The following ZFTRAF1 variants were observed in gnomAD, a reference collection of about 807,000 sequenced individuals.
ZFTRAF1 encodes the protein zinc finger TRAF-type-containing protein 1.
chr8:144,462,599 G>A, the ZFTRAF1 span: 1 of 139,154 alleles, frequency 7.2e-6, no homozygotes, highest in Non-Finnish European at 1.6e-5. Flanking sequence ...GGCCGGCACG[G>A]AGCCCGCGGG....
At chr8:144,458,855 G>A in the ZFTRAF1 span, among the ~76,000 whole-genome samples, 2 of 152,260 alleles carry the variant, frequency 1.3e-5, no homozygotes, top group Non-Finnish European at 2.9e-5. Context: ...GCAGGGCACT[G>A]TGCAGGGCCG....
the ZFTRAF1 span, among the ~76,000 whole-genome samples, chr8:144,459,603 C>A: frequency 1.3e-5 from 2 of 152,214 alleles, no homozygotes; most frequent in African/African-American, 4.8e-5. Flanking sequence ...GGGCACCACC[C>A]GAGGCTTCCC....
chr8:144,453,619 C>A, the ZFTRAF1 span: 1 of 644,908 alleles, frequency 1.6e-6, no homozygotes, highest in Non-Finnish European at 2.7e-6. Flanking sequence ...GTGTGGTGAA[C>A]ACTGCGAGCT....
the ZFTRAF1 span, among the ~76,000 whole-genome samples, chr8:144,459,355 C>T: frequency 6.6e-6 from 1 of 152,272 alleles, no homozygotes; most frequent in Non-Finnish European, 1.5e-5. Context: ...GGCTGCACAC[C>T]TTGTCAGGCC....
the ZFTRAF1 span, chr8:144,453,088 G>T: frequency 1.3e-6 from 1 of 782,328 alleles, no homozygotes; most frequent in Non-Finnish European, 2.0e-6. Flanking sequence ...CCGTCACTGG[G>T]CTACACAGGT....
chr8:144,451,989 C>G, the ZFTRAF1 span: 2 of 341,870 alleles, frequency 5.9e-6, no homozygotes, highest in Non-Finnish European at 5.7e-6. Flanking sequence ...GGGGCAGGCC[C>G]CTAGCTCCCA....
At chr8:144,462,657 C>A in the ZFTRAF1 span, 1 of 144,586 alleles carries the variant, frequency 6.9e-6, no homozygotes, top group Non-Finnish European at 1.5e-5. Flanking sequence ...CCGGACATAG[C>A]GGCCGGCCGG....
chr8:144,453,211 C>T, the ZFTRAF1 span: 4 of 1,549,676 alleles, frequency 2.6e-6, no homozygotes, highest in African/African-American at 1.4e-5. Flanking sequence ...AAGCCCCTGA[C>T]CCTCAGTTAC....
chr8:144,451,071 C>G, the ZFTRAF1 span: 2 of 346,006 alleles, frequency 5.8e-6, no homozygotes, highest in African/African-American at 2.0e-5. Flanking sequence ...CTCACCGCCC[C>G]GAGCCCCGGG....
chr8:144,460,513 G>A, the ZFTRAF1 span, among the ~76,000 whole-genome samples: 18 of 152,256 alleles, frequency 1.2e-4, no homozygotes, highest in Non-Finnish European at 1.6e-4. Context: ...CACCAATGGG[G>A]AGACAAGGAG....
chr8:144,450,144 G>C, the ZFTRAF1 span: 42 of 524,902 alleles, frequency 8.0e-5, no homozygotes, highest in African/African-American at 7.2e-4. Context: ...CTCCTCTTCG[G>C]GTCAGCCCAG....
At chr8:144,461,099 C>A in the ZFTRAF1 span, among the ~76,000 whole-genome samples, 1 of 152,152 alleles carries the variant, frequency 6.6e-6, no homozygotes, top group African/African-American at 2.4e-5. Context: ...TCTCCCCACC[C>A]AGGCACACTG....
chr8:144,453,380 C>A, the ZFTRAF1 span: 715 of 1,551,178 alleles, frequency 4.6e-4, 1 homozygote, highest in Admixed American at 1.1e-3. Flanking sequence ...AATTGGGGCA[C>A]GTGGCCTGCT....
At chr8:144,457,077 T>G in the ZFTRAF1 span, 1 of 149,826 alleles carries the variant, frequency 6.7e-6, no homozygotes, top group African/African-American at 2.5e-5. Flanking sequence ...GGGATGACAT[T>G]AAAAGAGGTA....
the ZFTRAF1 span, among the ~76,000 whole-genome samples, chr8:144,452,797 T>C: frequency 6.6e-6 from 1 of 152,336 alleles, no homozygotes; most frequent in South Asian, 2.1e-4. Flanking sequence ...TGAGCCTGTG[T>C]GCCCCGCACC....
chr8:144,458,370 G>A, the ZFTRAF1 span, among the ~76,000 whole-genome samples: 4 of 152,220 alleles, frequency 2.6e-5, no homozygotes, highest in Admixed American at 6.5e-5. Flanking sequence ...CATCTTCCTT[G>A]CTCCTGTGTT....
chr8:144,450,357 T>C, the ZFTRAF1 span: 1 of 707,126 alleles, frequency 1.4e-6, no homozygotes, highest in Non-Finnish European at 2.6e-6. Context: ...CGTGGGCTCC[T>C]CGGACATCCT....
chr8:144,457,469 C>T, the ZFTRAF1 span: 1 of 152,182 alleles, frequency 6.6e-6, no homozygotes, highest in Non-Finnish European at 1.5e-5. Flanking sequence ...ATGGCAGAGC[C>T]CCTGGGGCTG....
the ZFTRAF1 span, among the ~76,000 whole-genome samples, chr8:144,452,796 G>A: frequency 6.6e-6 from 1 of 152,244 alleles, no homozygotes; most frequent in South Asian, 2.1e-4. Flanking sequence ...TTGAGCCTGT[G>A]TGCCCCGCAC....
Sources: gnomAD v4.1 joint callset for allele counts (sites outside exome capture counted in the v4.1 genomes callset) on GRCh38, gnomAD v4.1.1 for gene constraint, MANE v1.5 for transcripts, NCBI Gene and HGNC (gene_info 2026-07-23, HGNC 2026-07-21) for gene names.